CFDP1: variants seen among roughly 807,000 people sequenced by gnomAD.
The protein encoded by CFDP1 is chromatin remodeling protein CFDP1, also known as heterochromatin-stabilizing protein CFDP1.
CFDP1 carries 31 observed loss-of-function variants against 40.1 expected under a neutral mutation model. The ratio of observed to expected loss-of-function variants is 0.77; its 90% confidence interval spans 0.58 to 1.04. The LOEUF is 1.04. Ranked by LOEUF, CFDP1 falls within the 50% of genes least tolerant of loss-of-function variation. The pLI, the probability that CFDP1 is intolerant of heterozygous loss-of-function variation, is 0.00. For synonymous variants in CFDP1, 167 were observed against 120.0 expected, an observed-to-expected ratio of 1.39 and a Z score of -2.56; for missense variants, 423 against 343.4, an observed-to-expected ratio of 1.23 and a Z score of -1.83.
At chr16:75,356,656 C>A (rs1421278412) in intron 5 of CFDP1, among the ~76,000 whole-genome samples, 3 of 152,260 alleles carry the variant, frequency 2.0e-5, no homozygotes, top group Non-Finnish European at 2.9e-5. Flanking sequence ...ATTTTGAAGC[C>A]AAGCATTGAC....
At chr16:75,409,324 T>TC (rs1163558091) in intron 4 of CFDP1, 3 of 152,152 alleles carry the variant, frequency 2.0e-5, no homozygotes, top group Non-Finnish European at 4.4e-5. Context: ...AATCTTTTTT[T>TC]CCCCCACACC....
At chr16:75,402,842 T>C (rs946560702) in intron 4 of CFDP1, among the ~76,000 whole-genome samples, 19 of 152,174 alleles carry the variant, frequency 1.2e-4, no homozygotes, top group Admixed American at 9.8e-4. Flanking sequence ...CCTGTCAACA[T>C]GCCCACTATT....
In CFDP1 at chr16:75,358,166, G is replaced by A. The variant is rs547267323; in HGVS notation, c.650+36924C>T. Reference sequence around the variant, plus strand: ...TAATATAATAATAATGAAAAAATTTGAGATATTATGAGAATTACCAAAATA... The same window carrying A: ...TAATATAATAATAATGAAAAAATTTAAGATATTATGAGAATTACCAAAATA... On this transcript the variant is annotated intron_variant, in intron 5 of 6. Transcript: ENST00000283882. 1.4e-4 allele frequency among the ~76,000 whole-genome samples: 22 copies of A among 152,142 alleles called. No homozygotes were observed. In the East Asian group the frequency reaches 4.0e-3, roughly 28 times the overall value.
At chr16:75,387,211 G>C (rs930561280) in intron 5 of CFDP1, among the ~76,000 whole-genome samples, 2 of 150,818 alleles carry the variant, frequency 1.3e-5, no homozygotes, top group Non-Finnish European at 2.9e-5. Flanking sequence ...CGCAATCTCG[G>C]CTCACTGCAA....
intron 1 of CFDP1, among the ~76,000 whole-genome samples, chr16:75,430,944 A>T (rs945866854): frequency 1.3e-5 from 2 of 152,178 alleles, no homozygotes; most frequent in African/African-American, 4.8e-5. Flanking sequence ...GTTAAATGTT[A>T]AAGAGCCCTG....
chr16:75,341,660 G>GAAA (rs368140322), intron 5 of CFDP1, among the ~76,000 whole-genome samples: 1 of 138,740 alleles, frequency 7.2e-6, no homozygotes, highest in Non-Finnish European at 1.6e-5. Context: ...GTGTAGAAAG[G>GAAA]AAAAAAAAAA....
chr16:75,317,897 C>T (rs557348392), intron 5 of CFDP1, among the ~76,000 whole-genome samples: 63 of 151,974 alleles, frequency 4.1e-4, no homozygotes, highest in African/African-American at 1.2e-3. Context: ...GATTACCTAA[C>T]GTCAGGAGTT....
intron 1 of CFDP1, among the ~76,000 whole-genome samples, chr16:75,427,647 G>C (rs1251282907): frequency 6.6e-6 from 1 of 152,086 alleles, no homozygotes; most frequent in African/African-American, 2.4e-5. Context: ...TCTCAAACTT[G>C]TTACCAACAG....
chr16:75,346,582 C>CAAAAAAAAAAAAAAAAAAAA (rs748081401), intron 5 of CFDP1, among the ~76,000 whole-genome samples: 2 of 59,346 alleles, frequency 3.4e-5, no homozygotes, highest in Non-Finnish European at 5.8e-5. Context: ...GACTCTGTCT[C>CAAAAAAAAAAAAAAAAAAAA]AAAAAAAAAA....
At chr16:75,398,981 C>T (rs1443372693) in intron 4 of CFDP1, among the ~76,000 whole-genome samples, 2 of 150,548 alleles carry the variant, frequency 1.3e-5, no homozygotes, top group Non-Finnish European at 3.0e-5. Flanking sequence ...AGTGGGAACC[C>T]GGGAGGTGGA....
At chr16:75,413,495 T>C (rs6564259) in intron 2 of CFDP1, among the ~76,000 whole-genome samples, 22 of 148,614 alleles carry the variant, frequency 1.5e-4, no homozygotes, top group Non-Finnish European at 2.8e-4. Flanking sequence ...GGAGGTTGCA[T>C]TGAGCAGAGA....
At chr16:75,400,623 G>A (rs370440915) in intron 4 of CFDP1, among the ~76,000 whole-genome samples, 1 of 152,060 alleles carries the variant, frequency 6.6e-6, no homozygotes, top group African/African-American at 2.4e-5. Context: ...TGAAAACCAC[G>A]GAAGTTCCAG....
chr16:75,346,615 A>AAAAAAAAAAAAAAAAAAAAAAAAAT, intron 5 of CFDP1, among the ~76,000 whole-genome samples: 1 of 126,644 alleles, frequency 7.9e-6, no homozygotes, highest in Non-Finnish European at 1.7e-5. Flanking sequence ...AAAAAAAAAA[A>AAAAAAAAAAAAAAAAAAAAAAAAAT]GAGTACCAGG....
chr16:75,313,008 G>C (rs959951153), intron 5 of CFDP1, among the ~76,000 whole-genome samples: 2 of 152,192 alleles, frequency 1.3e-5, no homozygotes, highest in Non-Finnish European at 2.9e-5. Context: ...GGCAGTCTCA[G>C]TACTAGCACC....
intron 1 of CFDP1, among the ~76,000 whole-genome samples, chr16:75,431,454 CAAAAAAAAAA>C (rs60902612): frequency 5.2e-4 from 31 of 59,598 alleles, no homozygotes; most frequent in African/African-American, 1.9e-3. Context: ...ACTCTTGTCT[CAAAAAAAAAA>C]AAAAAAAAAA....
At chr16:75,318,410 T>TTC (rs1265002917) in intron 5 of CFDP1, among the ~76,000 whole-genome samples, 5 of 147,038 alleles carry the variant, frequency 3.4e-5, no homozygotes, top group African/African-American at 1.2e-4. Flanking sequence ...CTTTCTTTCT[T>TTC]TTTTTTTTTT....
chr16:75,406,145 C>A (rs2079097402), intron 4 of CFDP1, among the ~76,000 whole-genome samples: 1 of 151,014 alleles, frequency 6.6e-6, no homozygotes, highest in Non-Finnish European at 1.5e-5. Context: ...GAGGCTAAGG[C>A]AGGAGGATCA....
chr16:75,404,466 C>T (rs967751585), intron 4 of CFDP1, among the ~76,000 whole-genome samples: 3 of 152,032 alleles, frequency 2.0e-5, no homozygotes, highest in Non-Finnish European at 2.9e-5. Context: ...CATGATCCGC[C>T]TGCCTCGGCC....
At chr16:75,427,991 G>A (rs993400647) in intron 1 of CFDP1, among the ~76,000 whole-genome samples, 4 of 152,084 alleles carry the variant, frequency 2.6e-5, no homozygotes, top group Admixed American at 2.6e-4. Context: ...ACAAAAAGCT[G>A]CCTACTGTTA....
Sources: allele counts gnomAD v4.1 joint callset (sites outside exome capture counted in the v4.1 genomes callset), GRCh38; gene constraint gnomAD v4.1.1; transcripts MANE v1.5; gene names NCBI Gene and HGNC (gene_info 2026-07-23, HGNC 2026-07-21).